Variants in ZNF891 observed in about 807,000 individuals in gnomAD.
ZNF891 encodes the protein hCG1646157.
For synonymous variants in ZNF891, 199 were observed against 209.0 expected, an observed-to-expected ratio of 0.95 and a Z score of 0.41; for missense variants, 589 against 632.7, an observed-to-expected ratio of 0.93 and a Z score of 0.74.
Position 133,106,310 on chromosome 12 carries a change from AT to A in ZNF891, c.*13973del. 6.2e-7 allele frequency: 1 copy of A among 1,614,198 alleles called. No homozygotes were observed. Among genetic ancestry groups the A allele is most frequent in the Non-Finnish European group, 8.5e-7 (1 of 1,180,018 alleles). On this transcript the variant is annotated 3_prime_UTR_variant, in exon 2 of 2. Transcript: ENST00000537226. ...AGCTTTCCGTTGTCACTCATTCCTTATTAAACATCAGAGAATTCATGCTGGA... is the reference window on the plus strand; with the variant it reads ...AGCTTTCCGTTGTCACTCATTCCTTATAAACATCAGAGAATTCATGCTGGA...
chr12:133,113,357 T>A lies in ZNF891; in HGVS notation c.*6927A>T, dbSNP rs573280913. ...AAAGAAAAAAATTATGACATAACCA[T>A]TGATAAAACTTTGGTGTTATGTCTT... On this transcript the variant is annotated 3_prime_UTR_variant, in exon 2 of 2. Transcript: ENST00000537226. The A allele has an allele frequency of 6.6e-6, 1 of 152,060 alleles. No individual in the cohort carries two copies. The highest frequency in any genetic ancestry group is 1.5e-5 in the Non-Finnish European group (1 of 67,974). 9.4% of individuals were successfully genotyped at this position (152,060 alleles called of 1,614,324 possible). A position where few individuals can be genotyped will look rare whatever the true frequency, so the allele number is the denominator to read the frequency against.
rs1174926570 is a variant in ZNF891, at chr12:133,121,357, A to G, written c.562T>C (p.Phe188Leu). ...APKKTVPQEL[F>L]RDYHELEENS... is the part of the protein sequence containing the mutation. ...TCCTCTAATTCATGATAGTCACGGA[A>G]TAGCTCCTGAGGTACTGTTTTCTTT... The change falls in exon 2 of 2, where the codon TTC (phenylalanine) becomes CTC (leucine). Residue 188 changes from phenylalanine (F) to leucine (L), a missense_variant. Transcript: ENST00000537226. 4 of 1,536,116 alleles carry G rather than the reference A, an allele frequency of 2.6e-6. No homozygotes were observed. The Admixed American group carries it at 7.8e-5, about 30-fold the overall frequency.
chr12:133,124,443 T>C (rs1390052820), intron 1 of ZNF891, among the ~76,000 whole-genome samples: 1 of 151,918 alleles, frequency 6.6e-6, no homozygotes, highest in Non-Finnish European at 1.5e-5. Flanking sequence ...AAGAAGGATA[T>C]ATAAGTCCTT....
rs768960666 is a variant in ZNF891, at chr12:133,106,667, A to G, written c.*13617T>C. 1.1e-5 allele frequency: 17 copies of G among 1,541,076 alleles called. No individual in the cohort carries two copies. Among genetic ancestry groups the G allele is most frequent in the Admixed American group, 2.1e-5 (1 of 47,324 alleles). ...ACACCAGTGAATTTACACTGCAAAG[A>G]AAAACTATGAATGTATGGAATTTTT... On this transcript the variant is annotated 3_prime_UTR_variant, in exon 2 of 2. Coordinates refer to ENST00000537226, the MANE Select transcript of ZNF891 (RefSeq NM_001277291.2).
In ZNF891 at chr12:133,106,303, AT is replaced by A. The variant is rs1165491277; in HGVS notation, c.*13980del. 8 of 1,614,218 alleles carry A rather than the reference AT, an allele frequency of 5.0e-6. No homozygotes were observed. The highest frequency in any genetic ancestry group is 6.8e-6 in the Non-Finnish European group (8 of 1,180,024). On this transcript the variant is annotated 3_prime_UTR_variant, in exon 2 of 2. Transcript: ENST00000537226. Reference sequence around the variant, plus strand: ...GTAGGAAAGCTTTCCGTTGTCACTCATTCCTTATTAAACATCAGAGAATTCA... The same window carrying A: ...GTAGGAAAGCTTTCCGTTGTCACTCATCCTTATTAAACATCAGAGAATTCA...
rs1426793288 is a variant in ZNF891, at chr12:133,112,352, T to C, written c.*7932A>G. 6.6e-6 allele frequency: 1 copy of C among 152,322 alleles called. No homozygotes were observed. The highest frequency in any genetic ancestry group is 2.4e-5 in the African/African-American group (1 of 41,430). The allele number at this position is 152,322 out of a possible 1,614,324, so 9.4% of individuals were successfully genotyped here. A position where few individuals can be genotyped will look rare whatever the true frequency, so the allele number is the denominator to read the frequency against. On this transcript the variant is annotated 3_prime_UTR_variant, in exon 2 of 2. Transcript: ENST00000537226. ...CTTTTTTTTTTTTGAGACACAGTCT[T>C]GCTCTGTCACCCAGGCTGGAGTGCA...
At position 133,105,062 on chromosome 12, in the gene ZNF891, C is replaced by T. The variant is rs1454449740; in HGVS notation, c.*15222G>A. On this transcript the variant is annotated 3_prime_UTR_variant, in exon 2 of 2. Coordinates refer to ENST00000537226, the MANE Select transcript of ZNF891 (RefSeq NM_001277291.2). ...CATAGGCAAGTTTTCAGAGAAACCG[C>T]TTTTTTTTTCATTTAGATTATTATA... is the stretch of plus-strand genomic sequence containing the variant. Among the ~76,000 whole-genome samples, 1 of 151,316 alleles carries T rather than the reference C, an allele frequency of 6.6e-6. No homozygotes were observed. The highest frequency in any genetic ancestry group is 1.5e-5 in the Non-Finnish European group (1 of 67,816).
chr12:133,105,472 G>T lies in ZNF891; in HGVS notation c.*14812C>A. ...AATGGCCTTATTTTATTCAATACAG[G>T]AAAAAGAAACATTCACTTTTTTTTT... On this transcript the variant is annotated 3_prime_UTR_variant, in exon 2 of 2. Coordinates refer to ENST00000537226, the MANE Select transcript of ZNF891 (RefSeq NM_001277291.2). 1 of 1,525,768 alleles carries T rather than the reference G, an allele frequency of 6.6e-7. No homozygotes were observed. Among genetic ancestry groups the T allele is most frequent in the Non-Finnish European group, 8.8e-7 (1 of 1,140,032 alleles). 94.5% of individuals were successfully genotyped at this position (1,525,768 alleles called of 1,614,324 possible).
chr12:133,121,960 G>T lies in ZNF891; in HGVS notation c.-42C>A. 1.4e-6 allele frequency: 2 copies of T among 1,466,164 alleles called. No individual in the cohort carries two copies. Among genetic ancestry groups the T allele is most frequent in the South Asian group, 1.4e-5 (1 of 72,116 alleles). The allele number at this position is 1,466,164 out of a possible 1,614,324, so 90.8% of individuals were successfully genotyped here. ...CCTGCACAGTAGAGTAGAGAGATCA[G>T]GATGTTTCTGTTCTTGTGTCTCCAA... is the stretch of plus-strand genomic sequence containing the variant. On this transcript the variant is annotated 5_prime_UTR_variant, in exon 2 of 2. It adds an upstream start codon to the 5' untranslated region. Coordinates refer to ENST00000537226, the MANE Select transcript of ZNF891 (RefSeq NM_001277291.2).
intron 1 of ZNF891, among the ~76,000 whole-genome samples, 196 bp downstream of exon 1, chr12:133,130,031 G>T (rs913081818): frequency 6.6e-6 from 1 of 152,036 alleles, no homozygotes; most frequent in South Asian, 2.1e-4. Flanking sequence ...GTCCCCACTC[G>T]CTCCCCGCGC....
rs1444986889 is a variant in ZNF891, at chr12:133,110,561, G to A, written c.*9723C>T. 1 of 152,170 alleles carries A rather than the reference G, an allele frequency of 6.6e-6. No individual in the cohort carries two copies. Among genetic ancestry groups the A allele is most frequent in the African/African-American group, 2.4e-5 (1 of 41,430 alleles). 9.4% of individuals were successfully genotyped at this position (152,170 alleles called of 1,614,324 possible). On this transcript the variant is annotated 3_prime_UTR_variant, in exon 2 of 2. Transcript: ENST00000537226. ...TTGGAAAGCAACAATCAAATGCTTTGGGAGACTTAAGATACTCACAAATAG... is the reference window on the plus strand; with the variant it reads ...TTGGAAAGCAACAATCAAATGCTTTAGGAGACTTAAGATACTCACAAATAG...
rs865976236 is a variant in ZNF891, at chr12:133,120,439, T to C, written c.1480A>G (p.Arg494Gly). ...GEKPYECKEC[R>G]KAFSVSSSLR... ...GAAGAGGAAACACTGAAGGCTTTCC[T>C]ACATTCCTTACATTCATAGGGTTTC... Residue 494 changes from arginine (R) to glycine (G), a missense_variant, in exon 2 of 2, where the codon AGG (arginine) becomes GGG (glycine). Transcript: ENST00000537226. 1.2e-6 allele frequency: 2 copies of C among 1,604,516 alleles called. No individual in the cohort carries two copies. The highest frequency in any genetic ancestry group is 1.7e-4 in the Middle Eastern group (1 of 6,052).
rs112973087 is a variant in ZNF891 at position 133,106,435 on chromosome 12, G to A, written c.*13849C>T. On this transcript the variant is annotated 3_prime_UTR_variant, in exon 2 of 2. Transcript: ENST00000537226. ...GTCACACTGGAGAGAAACCCTATGC[G>A]TGTGCTGAATGTGATAAAGCCTTCA... The A allele has an allele frequency of 1.4e-5, 23 of 1,613,944 alleles. No individual in the cohort carries two copies. The highest frequency in any genetic ancestry group is 6.7e-5 in the East Asian group (3 of 44,844).
intron 1 of ZNF891, among the ~76,000 whole-genome samples, chr12:133,126,406 G>A (rs1231431946): frequency 2.0e-5 from 3 of 151,086 alleles, no homozygotes; most frequent in Non-Finnish European, 2.9e-5. Context: ...CCTGGAAGGT[G>A]GAGCTTGCAG....
chr12:133,117,157 C>A lies in ZNF891; in HGVS notation c.*3127G>T, dbSNP rs549264533. 6.6e-6 allele frequency: 1 copy of A among 152,314 alleles called. No individual in the cohort carries two copies. The highest frequency in any genetic ancestry group is 2.4e-5 in the African/African-American group (1 of 41,576). The allele number at this position is 152,314 out of a possible 1,614,324, so 9.4% of individuals were successfully genotyped here. A position where few individuals can be genotyped will look rare whatever the true frequency, so the allele number is the denominator to read the frequency against. ...GATCTTCTTCACTAAAACCTCCTTG[C>A]AGAATTTCATCCACCTTCCTCTTAG... On this transcript the variant is annotated 3_prime_UTR_variant, in exon 2 of 2. Coordinates refer to ENST00000537226, the MANE Select transcript of ZNF891 (RefSeq NM_001277291.2).
chr12:133,106,190 G>T lies in ZNF891; in HGVS notation c.*14094C>A. On this transcript the variant is annotated 3_prime_UTR_variant, in exon 2 of 2. Transcript: ENST00000537226. ...TGGAGAGAAACCTTATGAATGCATT[G>T]AATGTGGGAAGGCATTTCGCCGTTT... 6.2e-7 allele frequency: 1 copy of T among 1,614,206 alleles called. No homozygotes were observed. The highest frequency in any genetic ancestry group is 8.5e-7 in the Non-Finnish European group (1 of 1,180,028).
At position 133,115,988 on chromosome 12, in the gene ZNF891, T is replaced by A. The variant is rs1173351972; in HGVS notation, c.*4296A>T. On this transcript the variant is annotated 3_prime_UTR_variant, in exon 2 of 2. Transcript: ENST00000537226. ...TTTCAGATTTTCAGATTTGAGATGC[T>A]CAATCTGTTCCAAGATCACTGGGCC... is the stretch of plus-strand genomic sequence containing the variant. 2 of 152,148 alleles carry A rather than the reference T, an allele frequency of 1.3e-5. No individual in the cohort carries two copies. Among genetic ancestry groups the A allele is most frequent in the East Asian group, 3.9e-4 (2 of 5,194 alleles). The allele number at this position is 152,148 out of a possible 1,614,324, so 9.4% of individuals were successfully genotyped here.
chr12:133,124,853 C>T (rs1283986464), intron 1 of ZNF891, among the ~76,000 whole-genome samples: 1 of 150,302 alleles, frequency 6.7e-6, no homozygotes, highest in African/African-American at 2.4e-5. Context: ...AAGATAGTTC[C>T]TGAAGGAACT....
In ZNF891 at chr12:133,109,073, C is replaced by T. The variant is rs1955661288; in HGVS notation, c.*11211G>A. 6.6e-6 allele frequency: 1 copy of T among 152,172 alleles called. No homozygotes were observed. Among genetic ancestry groups the T allele is most frequent in the Non-Finnish European group, 1.5e-5 (1 of 68,020 alleles). 9.4% of individuals were successfully genotyped at this position (152,172 alleles called of 1,614,324 possible). A position where few individuals can be genotyped will look rare whatever the true frequency, so the allele number is the denominator to read the frequency against. On this transcript the variant is annotated 3_prime_UTR_variant, in exon 2 of 2. Coordinates refer to ENST00000537226, the MANE Select transcript of ZNF891 (RefSeq NM_001277291.2). ...AGAAAATTCTTCTTCTGGTGTAGCCCAGGGAAGCCAAAAGATTGGACACCT... is the reference window on the plus strand; with the variant it reads ...AGAAAATTCTTCTTCTGGTGTAGCCTAGGGAAGCCAAAAGATTGGACACCT...
Sources: gnomAD v4.1 joint callset for allele counts (sites outside exome capture counted in the v4.1 genomes callset) on GRCh38, gnomAD v4.1.1 for gene constraint, MANE v1.5 for transcripts, NCBI Gene and HGNC (gene_info 2026-07-23, HGNC 2026-07-21) for gene names.